Variants in TMEFF2 observed in about 807,000 individuals in gnomAD.
TMEFF2 encodes tomoregulin-2.
In TMEFF2, 28 loss-of-function variants were observed where a neutral mutation model predicts 53.8. That is an observed-to-expected ratio of 0.52 (90% CI 0.39 to 0.71). The LOEUF is 0.71. Ranked by LOEUF, TMEFF2 falls within the 30% of genes least tolerant of loss-of-function variation. TMEFF2 has a pLI of 0.00. For synonymous variants in TMEFF2, 162 were observed against 166.3 expected, an observed-to-expected ratio of 0.97 and a Z score of 0.20; for missense variants, 353 against 455.2, an observed-to-expected ratio of 0.78 and a Z score of 2.04.
chr2:191,983,647 T>C (rs918571265), intron 7 of TMEFF2, among the ~76,000 whole-genome samples: 37 of 152,182 alleles, frequency 2.4e-4, no homozygotes, highest in African/African-American at 8.7e-4. Context: ...TGCACAGCTC[T>C]GAAGTACAGA....
At chr2:192,067,288 AG>A (rs1316512733) in intron 4 of TMEFF2, among the ~76,000 whole-genome samples, 3 of 151,822 alleles carry the variant, frequency 2.0e-5, no homozygotes, top group African/African-American at 7.2e-5. Flanking sequence ...GTTTAGACAG[AG>A]GGGTAGTGGT....
chr2:192,070,002 A>G (rs1235702385), intron 4 of TMEFF2, among the ~76,000 whole-genome samples: 909 of 10,124 alleles, frequency 0.09, 29 homozygotes, highest in African/African-American at 0.14. Context: ...ATATATATAT[A>G]TATATATATA....
intron 4 of TMEFF2, among the ~76,000 whole-genome samples, chr2:192,089,328 CCAAA>C (rs1688736309): frequency 1.3e-5 from 2 of 152,132 alleles, no homozygotes; most frequent in Admixed American, 6.6e-5. Flanking sequence ...AGCCTAGGGA[CCAAA>C]CAATCTTAGT....
intron 4 of TMEFF2, among the ~76,000 whole-genome samples, chr2:192,121,762 A>G (rs1689559556): frequency 2.0e-5 from 3 of 152,202 alleles, no homozygotes; most frequent in African/African-American, 7.2e-5. Flanking sequence ...TAACACAATC[A>G]AATTTTGGAA....
intron 7 of TMEFF2, among the ~76,000 whole-genome samples, chr2:191,983,517 C>T (rs1342294971): frequency 1.3e-5 from 2 of 151,814 alleles, no homozygotes; most frequent in South Asian, 4.2e-4. Flanking sequence ...ATGCTTTCTA[C>T]AGGTGAAGAA....
At chr2:192,191,004 C>G (rs1172433947) in intron 2 of TMEFF2, among the ~76,000 whole-genome samples, 1 of 151,996 alleles carries the variant, frequency 6.6e-6, no homozygotes, top group Non-Finnish European at 1.5e-5. Flanking sequence ...TTAAAAGTAA[C>G]TTAAAATACT....
At chr2:191,959,093 T>C (rs191147749) in intron 7 of TMEFF2, among the ~76,000 whole-genome samples, 2 of 152,314 alleles carry the variant, frequency 1.3e-5, no homozygotes, top group East Asian at 1.9e-4. Context: ...TTTTAAATTA[T>C]ATAAAAATTA....
intron 5 of TMEFF2, among the ~76,000 whole-genome samples, chr2:192,048,143 A>G (rs367959356): frequency 2.7e-5 from 4 of 150,830 alleles, no homozygotes; most frequent in East Asian, 4.1e-4. Flanking sequence ...ATGTTAGGAC[A>G]GTACGCTCAA....
At chr2:192,030,482 T>C (rs1456779842) in intron 5 of TMEFF2, 4 of 152,054 alleles carry the variant, frequency 2.6e-5, no homozygotes, top group Admixed American at 1.3e-4. Context: ...CCTGTTTCAA[T>C]GATGAGAAGG....
At chr2:192,107,953 T>G (rs1378406855) in intron 4 of TMEFF2, among the ~76,000 whole-genome samples, 1 of 125,286 alleles carries the variant, frequency 8.0e-6, no homozygotes, top group East Asian at 3.0e-4. Flanking sequence ...ATATAACTGT[T>G]TTTTTTTTTA....
intron 4 of TMEFF2, among the ~76,000 whole-genome samples, chr2:192,161,787 C>T (rs1690640688): frequency 6.6e-6 from 1 of 152,106 alleles, no homozygotes. Flanking sequence ...AATCTCTGGT[C>T]TCTCACTCTG....
chr2:192,150,587 A>G (rs1256577904), intron 4 of TMEFF2, among the ~76,000 whole-genome samples: 1 of 151,594 alleles, frequency 6.6e-6, no homozygotes, highest in South Asian at 2.1e-4. Context: ...TTATTCCACT[A>G]TCAGTTCTCT....
intron 4 of TMEFF2, among the ~76,000 whole-genome samples, chr2:192,176,001 C>T (rs1157736408): frequency 6.6e-6 from 1 of 151,410 alleles, no homozygotes; most frequent in Non-Finnish European, 1.5e-5. Flanking sequence ...ACCACCCACA[C>T]ACCTCTGAAT....
chr2:191,983,831 T>A (rs530486992), intron 7 of TMEFF2, among the ~76,000 whole-genome samples: 1 of 152,334 alleles, frequency 6.6e-6, no homozygotes, highest in East Asian at 1.9e-4. Flanking sequence ...CATTTCAAGT[T>A]TTTAGAGACA....
At chr2:192,057,650 T>G in intron 5 of TMEFF2, 29 bp downstream of exon 5, 4 of 1,569,788 alleles carry the variant, frequency 2.5e-6, no homozygotes, top group Non-Finnish European at 3.5e-6. Flanking sequence ...GTCATTATTT[T>G]GTCTAAAAGA....
At chr2:191,997,915 G>C (rs1686261419) in intron 7 of TMEFF2, among the ~76,000 whole-genome samples, 1 of 151,760 alleles carries the variant, frequency 6.6e-6, no homozygotes, top group South Asian at 2.1e-4. Flanking sequence ...ATTTAAACAA[G>C]AACATTTGCA....
intron 4 of TMEFF2, 23 bp from the exon 5 acceptor site, chr2:192,057,798 A>G: frequency 1.3e-6 from 2 of 1,580,258 alleles, no homozygotes; most frequent in South Asian, 2.2e-5. Context: ...AAAACAGTAA[A>G]AGGAATTCAG....
At chr2:192,065,143 T>C (rs1325997149) in intron 4 of TMEFF2, among the ~76,000 whole-genome samples, 2 of 151,888 alleles carry the variant, frequency 1.3e-5, no homozygotes. Flanking sequence ...TCTTTCTTTG[T>C]CAGCTTAGAT....
chr2:191,962,716 T>C (rs542834077), intron 7 of TMEFF2, among the ~76,000 whole-genome samples: 26 of 152,224 alleles, frequency 1.7e-4, no homozygotes, highest in Non-Finnish European at 3.7e-4. Flanking sequence ...ACAAGGCTCA[T>C]GTAGATTTAG....
Sources: gnomAD v4.1 joint callset for allele counts (sites outside exome capture counted in the v4.1 genomes callset) on GRCh38, gnomAD v4.1.1 for gene constraint, MANE v1.5 for transcripts, NCBI Gene and HGNC (gene_info 2026-07-23, HGNC 2026-07-21) for gene names.